KCNMA1: variants seen among roughly 807,000 people sequenced by gnomAD.
KCNMA1 encodes the protein potassium calcium-activated channel subfamily M alpha 1.
A neutral mutation model predicts 140.0 loss-of-function variants in KCNMA1; 29 were observed. That is an observed-to-expected ratio of 0.21 (90% CI 0.15 to 0.28). The LOEUF is 0.28. KCNMA1 is among the 10% of genes least tolerant of loss of function. The probability of loss-of-function intolerance (pLI) is 1.00; values close to 1 mark genes in which losing one functional copy is unlikely to be tolerated. For synonymous variants in KCNMA1, 612 were observed against 611.9 expected (o/e 1.00, Z 0.00); for missense variants, 880 against 1,602.2 (o/e 0.55, Z 7.70).
At chr10:77,151,091 TTC>T (rs371312636) in intron 5 of KCNMA1, among the ~76,000 whole-genome samples, 6 of 151,574 alleles carry the variant, frequency 4.0e-5, no homozygotes, top group Admixed American at 2.0e-4. Flanking sequence ...CTTTCTTTCT[TTC>T]TCTCTCTCTC....
At chr10:76,978,107 C>T (rs1160255466) in intron 19 of KCNMA1, among the ~76,000 whole-genome samples, 2 of 152,212 alleles carry the variant, frequency 1.3e-5, no homozygotes, top group Non-Finnish European at 2.9e-5. Flanking sequence ...TGCCCCTTGT[C>T]AAACTTGCAC....
chr10:77,205,794 A>G (rs1317642379), intron 3 of KCNMA1, among the ~76,000 whole-genome samples: 2 of 152,144 alleles, frequency 1.3e-5, no homozygotes, highest in African/African-American at 4.8e-5. Context: ...TAAATATAAA[A>G]CCATTTTTTA....
At chr10:77,397,698 T>C (rs1327856753) in intron 2 of KCNMA1, among the ~76,000 whole-genome samples, 1 of 152,208 alleles carries the variant, frequency 6.6e-6, no homozygotes, top group Non-Finnish European at 1.5e-5. Context: ...GTCTGGGCTT[T>C]TAGTGTAACC....
At chr10:76,933,658 C>T (rs1239066436) in intron 23 of KCNMA1, among the ~76,000 whole-genome samples, 3 of 152,154 alleles carry the variant, frequency 2.0e-5, no homozygotes, top group Non-Finnish European at 2.9e-5. Flanking sequence ...TCTTTCCTGA[C>T]TACCACAGCC....
At chr10:76,929,120 C>T (rs1295984808) in intron 23 of KCNMA1, among the ~76,000 whole-genome samples, 3 of 152,084 alleles carry the variant, frequency 2.0e-5, no homozygotes, top group African/African-American at 7.2e-5. Flanking sequence ...GGAGACACAC[C>T]TGCATAATAG....
chr10:76,960,151 G>T (rs552474311), intron 20 of KCNMA1, among the ~76,000 whole-genome samples: 29 of 152,332 alleles, frequency 1.9e-4, no homozygotes, highest in East Asian at 7.7e-4. Flanking sequence ...CCACTTATGT[G>T]AATGATTAGC....
chr10:77,403,087 C>T (rs2096332168), intron 2 of KCNMA1, among the ~76,000 whole-genome samples: 2 of 152,126 alleles, frequency 1.3e-5, no homozygotes, highest in Admixed American at 1.3e-4. Context: ...CAGTCTCAGG[C>T]AAACTGGGAT....
At chr10:77,622,216 C>T (rs1381535495) in intron 1 of KCNMA1, among the ~76,000 whole-genome samples, 1 of 152,214 alleles carries the variant, frequency 6.6e-6, no homozygotes, top group Admixed American at 6.5e-5. Flanking sequence ...TGGGAATTGA[C>T]ATACCTGAGA....
At chr10:77,367,690 C>T (rs1830865618) in intron 2 of KCNMA1, among the ~76,000 whole-genome samples, 1 of 152,188 alleles carries the variant, frequency 6.6e-6, no homozygotes, top group African/African-American at 2.4e-5. Flanking sequence ...AACTATCTTG[C>T]ATTATCCTTT....
At chr10:77,328,846 ATTTTGTTT>A (rs2085210898) in intron 2 of KCNMA1, among the ~76,000 whole-genome samples, 2 of 151,856 alleles carry the variant, frequency 1.3e-5, no homozygotes, top group Non-Finnish European at 2.9e-5. Flanking sequence ...TTTTTGTTTT[ATTTTGTTT>A]TTTTAAGATG....
At chr10:77,553,475 G>T (rs1285845446) in intron 1 of KCNMA1, among the ~76,000 whole-genome samples, 1 of 152,198 alleles carries the variant, frequency 6.6e-6, no homozygotes, top group Non-Finnish European at 1.5e-5. Context: ...GTGAGCACCA[G>T]CCCAAGAAGT....
chr10:77,297,301 C>G (rs2075413092), intron 2 of KCNMA1, among the ~76,000 whole-genome samples: 1 of 152,198 alleles, frequency 6.6e-6, no homozygotes, highest in African/African-American at 2.4e-5. Flanking sequence ...TTGGCTCCAC[C>G]CACATTTCAT....
At chr10:77,262,395 C>T (rs1455593946) in intron 2 of KCNMA1, among the ~76,000 whole-genome samples, 1 of 152,110 alleles carries the variant, frequency 6.6e-6, no homozygotes, top group Non-Finnish European at 1.5e-5. Context: ...ATGATGGTTC[C>T]TTGGAAGTGG....
intron 14 of KCNMA1, among the ~76,000 whole-genome samples, chr10:77,056,710 G>T (rs2095554147): frequency 6.6e-6 from 1 of 152,074 alleles, no homozygotes; most frequent in Non-Finnish European, 1.5e-5. Flanking sequence ...AAGACGGGAT[G>T]CATAATTTAA....
intron 2 of KCNMA1, among the ~76,000 whole-genome samples, chr10:77,344,230 G>C (rs1015021403): frequency 5.3e-5 from 8 of 152,228 alleles, no homozygotes; most frequent in Admixed American, 2.6e-4. Context: ...AGAGTTGCGT[G>C]AGGGCTCACG....
chr10:76,974,690 C>T, intron 19 of KCNMA1: 1 of 715,796 alleles, frequency 1.4e-6, no homozygotes, highest in South Asian at 1.8e-5. Context: ...AAGTTTCTCC[C>T]TCACAGCTGA....
chr10:77,177,533 C>A (rs1395143511), intron 5 of KCNMA1, among the ~76,000 whole-genome samples: 1 of 148,692 alleles, frequency 6.7e-6, no homozygotes, highest in East Asian at 2.0e-4. Context: ...TTAGCAGGGT[C>A]TTACTATGTT....
chr10:77,210,541 A>G (rs548665940), intron 3 of KCNMA1, among the ~76,000 whole-genome samples: 1 of 152,318 alleles, frequency 6.6e-6, no homozygotes, highest in Non-Finnish European at 1.5e-5. Context: ...CCTATTCAAT[A>G]TGGCATTGCA....
At chr10:76,943,916 C>A (rs541429249) in intron 23 of KCNMA1, among the ~76,000 whole-genome samples, 1 of 152,262 alleles carries the variant, frequency 6.6e-6, no homozygotes, top group East Asian at 1.9e-4. Flanking sequence ...ATGGGCTGTG[C>A]TCCTACACCC....
Sources: gnomAD v4.1 joint callset for allele counts (sites outside exome capture counted in the v4.1 genomes callset) on GRCh38, gnomAD v4.1.1 for gene constraint, MANE v1.5 for transcripts, NCBI Gene and HGNC (gene_info 2026-07-23, HGNC 2026-07-21) for gene names.